The following TRDN variants were observed in gnomAD, a reference collection of about 807,000 sequenced individuals.
The protein encoded by TRDN is triadin in skeletal muscle.
Under a neutral mutation model 149.7 loss-of-function variants are expected in TRDN, and 161 were observed. The ratio of observed to expected loss-of-function variants is 1.08; its 90% CI spans 0.95 to 1.23. The LOEUF (loss-of-function observed/expected upper bound fraction) is 1.23. Among genes scored for constraint, TRDN ranks in the 50% most tolerant of loss-of-function variants. The pLI is 0.00. For missense variants in TRDN, 896 were observed against 823.5 expected (o/e 1.09, Z -1.08); for synonymous variants, 294 against 250.5 (o/e 1.17, Z -1.64).
rs140499708 is a variant in TRDN, at chr6:123,377,131, C to CA, written c.1246+584dup. On this transcript the variant is annotated intron_variant, in intron 18 of 40. Coordinates refer to ENST00000334268, the MANE Select transcript of TRDN (RefSeq NM_006073.4). ...TTGTCTTGTCTAGTTGTTTGACTCT[C>CA]AATCAGTTTTTTTCTCATCAGAATG... Among the ~76,000 whole-genome samples the CA allele has an allele frequency of 5.5e-3, 836 of 152,204 alleles. 8 individuals are homozygous for CA. The highest frequency in any genetic ancestry group is 0.019 in the African/African-American group (806 of 41,526).
intron 1 of TRDN, among the ~76,000 whole-genome samples, chr6:123,574,724 C>T (rs1317560739): frequency 6.6e-6 from 1 of 151,440 alleles, no homozygotes; most frequent in Non-Finnish European, 1.5e-5. Flanking sequence ...TTTCTGTAAA[C>T]AGTATTACAC....
intron 1 of TRDN, among the ~76,000 whole-genome samples, chr6:123,571,357 A>G (rs542127237): frequency 6.6e-6 from 1 of 152,294 alleles, no homozygotes; most frequent in South Asian, 2.1e-4. Context: ...AGTGTTTCTC[A>G]TCTCCTAAGT....
chr6:123,624,768 A>G (rs554621811), intron 1 of TRDN, among the ~76,000 whole-genome samples: 2 of 152,236 alleles, frequency 1.3e-5, no homozygotes, highest in Non-Finnish European at 2.9e-5. Flanking sequence ...AATGGTCTCT[A>G]TACATACAAA....
intron 12 of TRDN, among the ~76,000 whole-genome samples, chr6:123,405,063 C>T (rs1293800064): frequency 6.6e-6 from 1 of 152,224 alleles, no homozygotes. Context: ...CCCACATCTT[C>T]ACGTATTGCA....
At chr6:123,471,160 T>C (rs1223626782) in intron 9 of TRDN, 2 of 152,210 alleles carry the variant, frequency 1.3e-5, no homozygotes, top group Non-Finnish European at 2.9e-5. Context: ...CAGTACGTTT[T>C]AAAGTAGACC....
At chr6:123,511,515 A>C (rs542152660) in intron 7 of TRDN, among the ~76,000 whole-genome samples, 1 of 152,320 alleles carries the variant, frequency 6.6e-6, no homozygotes, top group African/African-American at 2.4e-5. Flanking sequence ...GAAAATTCTG[A>C]ATTTGAGATT....
chr6:123,587,775 T>G (rs1783579339), intron 1 of TRDN, among the ~76,000 whole-genome samples: 1 of 141,126 alleles, frequency 7.1e-6, no homozygotes, highest in South Asian at 2.4e-4. Flanking sequence ...GGGGGGTTGT[T>G]CTCTGGCAGG....
intron 9 of TRDN, chr6:123,489,016 C>T (rs1778091935): frequency 6.6e-6 from 1 of 152,082 alleles, no homozygotes; most frequent in East Asian, 1.9e-4. Flanking sequence ...GCAACTGGTA[C>T]TCACAGAAAT....
At chr6:123,431,793 A>G (rs554954630) in intron 12 of TRDN, among the ~76,000 whole-genome samples, 1 of 152,316 alleles carries the variant, frequency 6.6e-6, no homozygotes, top group African/African-American at 2.4e-5. Context: ...TCTGCCATAT[A>G]TATTATTTTG....
At chr6:123,269,985 T>A in intron 30 of TRDN, 119 bp from the exon 31 acceptor site, 1 of 883,728 alleles carries the variant, frequency 1.1e-6, no homozygotes, top group Non-Finnish European at 1.7e-6. Flanking sequence ...AGCTTAAACT[T>A]AACCTGTTTT....
chr6:123,539,929 TC>T (rs563385728), intron 4 of TRDN, among the ~76,000 whole-genome samples: 80 of 152,316 alleles, frequency 5.3e-4, no homozygotes, highest in Admixed American at 2.5e-3. Flanking sequence ...TGTTACAAAT[TC>T]AACTATTTAA....
chr6:123,348,156 G>T (rs1483742215), intron 21 of TRDN, among the ~76,000 whole-genome samples: 2 of 151,934 alleles, frequency 1.3e-5, no homozygotes, highest in Non-Finnish European at 2.9e-5. Context: ...CTACTACTTT[G>T]ACATTCCAAG....
chr6:123,364,144 G>T (rs1308189858), intron 20 of TRDN, among the ~76,000 whole-genome samples: 7 of 152,172 alleles, frequency 4.6e-5, no homozygotes, highest in African/African-American at 1.7e-4. Context: ...TCAGGAAGCT[G>T]CCCAATTCAT....
intron 24 of TRDN, among the ~76,000 whole-genome samples, chr6:123,313,340 T>C (rs753102288): frequency 8.6e-5 from 13 of 152,004 alleles, no homozygotes; most frequent in Non-Finnish European, 1.8e-4. Flanking sequence ...AGAGGTGATA[T>C]AGTCATTTTA....
chr6:123,258,639 C>CGCTG (rs1162744653), intron 35 of TRDN, among the ~76,000 whole-genome samples: 1 of 151,848 alleles, frequency 6.6e-6, no homozygotes, highest in Non-Finnish European at 1.5e-5. Context: ...GTAAGGTTGA[C>CGCTG]GCTGGCCTCA....
At chr6:123,559,931 C>T (rs1220975961) in intron 2 of TRDN, among the ~76,000 whole-genome samples, 2 of 152,254 alleles carry the variant, frequency 1.3e-5, no homozygotes, top group African/African-American at 4.8e-5. Context: ...CTCTGCTTTC[C>T]CTTAGACTGA....
chr6:123,611,135 A>T (rs2114678842), intron 1 of TRDN, among the ~76,000 whole-genome samples: 1 of 152,322 alleles, frequency 6.6e-6, no homozygotes, highest in South Asian at 2.1e-4. Context: ...TTTACTTAGG[A>T]ACTTCATAAT....
At chr6:123,530,292 T>C (rs572129632) in intron 5 of TRDN, among the ~76,000 whole-genome samples, 1 of 151,762 alleles carries the variant, frequency 6.6e-6, no homozygotes, top group South Asian at 2.1e-4. Flanking sequence ...TTGAAGTTAC[T>C]TTGATTCCAT....
At chr6:123,615,373 G>A (rs533582537) in intron 1 of TRDN, among the ~76,000 whole-genome samples, 1 of 152,122 alleles carries the variant, frequency 6.6e-6, no homozygotes, top group Non-Finnish European at 1.5e-5. Context: ...CACTATTCAT[G>A]ATAACCAAGA....
Sources: allele counts gnomAD v4.1 joint callset (sites outside exome capture counted in the v4.1 genomes callset), GRCh38; gene constraint gnomAD v4.1.1; transcripts MANE v1.5; gene names NCBI Gene and HGNC (gene_info 2026-07-23, HGNC 2026-07-21).